Variants in PHEX observed in about 807,000 individuals in gnomAD.
The protein encoded by PHEX is phosphate regulating endopeptidase X-linked.
Under a neutral mutation model 68.0 loss-of-function variants are expected in PHEX, and 16 were observed. The ratio of observed to expected loss-of-function variants is 0.24; its 90% CI spans 0.16 to 0.36. The LOEUF (loss-of-function observed/expected upper bound fraction) is 0.36. Ranked by LOEUF, PHEX falls within the 10% of genes least tolerant of loss-of-function variation. The probability of loss-of-function intolerance (pLI) is 1.00; values close to 1 mark genes in which losing one functional copy is unlikely to be tolerated. For synonymous variants in PHEX, 208 were observed against 205.1 expected (o/e 1.01, Z -0.12); for missense variants, 480 against 575.5 (o/e 0.83, Z 1.70).
intron 2 of PHEX, among the ~76,000 whole-genome samples, chrX:22,040,053 G>T (rs917240611): frequency 7.2e-5 from 8 of 111,634 alleles, no homozygotes; most frequent in African/African-American, 2.6e-4. Flanking sequence ...GAAACCTGGG[G>T]GTCCCACACA....
intron 12 of PHEX, among the ~76,000 whole-genome samples, chrX:22,144,096 C>T (rs944092963): frequency 1.9e-4 from 21 of 111,575 alleles, no homozygotes; most frequent in African/African-American, 6.2e-4. Context: ...GTCTCAGTTT[C>T]CTCACTCATG....
chrX:22,212,075 G>A (rs959166432), intron 15 of PHEX, among the ~76,000 whole-genome samples: 4 of 111,589 alleles, frequency 3.6e-5, no homozygotes, highest in Non-Finnish European at 7.5e-5. Context: ...TTCTGTCATC[G>A]TTTTCAGTGT....
intron 11 of PHEX, among the ~76,000 whole-genome samples, chrX:22,123,833 CT>C (rs755194382): frequency 1.5e-3 from 124 of 82,972 alleles, no homozygotes; most frequent in Middle Eastern, 5.3e-3. Flanking sequence ...ATTTCTTTTT[CT>C]TTTTTTTTTT....
Position 22,249,453 on chromosome X carries a change from A to ATATATAT in PHEX, c.*1500_*1501insTATATAT, listed in dbSNP as rs1222771440. The ATATATAT allele has an allele frequency of 1.1e-3, 32 of 28,023 alleles. No homozygotes were observed. The highest frequency in any genetic ancestry group is 4.8e-3 in the African/African-American group (23 of 4,817). The allele number at this position is 28,023 out of a possible 1,213,427, so 2.3% of individuals were successfully genotyped here. A position where few individuals can be genotyped will look rare whatever the true frequency, so the allele number is the denominator to read the frequency against. On this transcript the variant is annotated 3_prime_UTR_variant, in exon 22 of 22. Coordinates refer to ENST00000379374, the MANE Select transcript of PHEX (RefSeq NM_000444.6). Reference sequence around the variant, plus strand: ...ATTTGTGATTCTTTTAAAAAAAAAAAAAATATATATATATATATATATATA... The same window carrying ATATATAT: ...ATTTGTGATTCTTTTAAAAAAAAAAATATATATAAATATATATATATATATATATATA...
intron 3 of PHEX, among the ~76,000 whole-genome samples, chrX:22,050,502 C>T (rs1181161237): frequency 4.1e-5 from 4 of 98,669 alleles, no homozygotes; most frequent in Non-Finnish European, 8.0e-5. Context: ...ACCCAGGAGG[C>T]GGAGGTTGCA....
intron 2 of PHEX, 88 bp from the exon 3 acceptor site, chrX:22,046,962 T>G (rs1927563392): frequency 5.1e-6 from 4 of 787,472 alleles, no homozygotes; most frequent in Non-Finnish European, 7.8e-6. Flanking sequence ...TGGAAACTGG[T>G]TGATATGGAA....
Position 22,077,576 on chromosome X carries a change from T to C in PHEX, c.537T>C (p.Val179=). 1 of 1,211,229 alleles carries C rather than the reference T, an allele frequency of 8.3e-7. No individual in the cohort carries two copies. The highest frequency in any genetic ancestry group is 1.1e-6 in the Non-Finnish European group (1 of 894,944). ...VLESNIGPEG[V]WSERKFSLLQ... ...AATCTAATATTGGCCCTGAAGGGGT[T>C]TGGTCAGAGAGAAAGTTCAGCCTTC... The change falls in exon 5 of 22, where the codon GTT becomes GTC. Residue 179 remains valine, a synonymous_variant. Transcript: ENST00000379374.
rs976999254 is a variant in PHEX at position 22,130,337 on chromosome X, C to G, written c.1303-3186C>G. ...GGTGGATCACCTGAGCTCGGAGGTT[C>G]GAGACTAGCCTGGGCAATATGGTGA... On this transcript the variant is annotated intron_variant, in intron 11 of 21. Transcript: ENST00000379374. Among the ~76,000 whole-genome samples, 3 of 110,303 alleles carry G rather than the reference C, an allele frequency of 2.7e-5. No homozygotes were observed. In the Admixed American group the frequency reaches 2.9e-4, roughly 11 times the overall value.
chrX:22,097,164 AAC>A, intron 8 of PHEX, 126 bp downstream of exon 8: 1 of 547,399 alleles, frequency 1.8e-6, no homozygotes, highest in Admixed American at 2.6e-5. Flanking sequence ...CATCTTTGTC[AAC>A]AATCACATAA....
chrX:22,237,403 A>G (rs181559598), intron 20 of PHEX, among the ~76,000 whole-genome samples: 2 of 111,423 alleles, frequency 1.8e-5, no homozygotes, highest in East Asian at 2.8e-4. Flanking sequence ...CCTGCTTTCT[A>G]TGTCCCTGTA....
At chrX:22,168,169 A>G (rs995035448) in intron 12 of PHEX, 143 bp from the exon 13 acceptor site, 1 of 503,480 alleles carries the variant, frequency 2.0e-6, no homozygotes, top group African/African-American at 2.4e-5. Flanking sequence ...ATATCTATAT[A>G]TTTTTGCCCT....
chrX:22,136,496 G>C (rs1932236893), intron 12 of PHEX, among the ~76,000 whole-genome samples: 1 of 112,140 alleles, frequency 8.9e-6, no homozygotes, highest in Non-Finnish European at 1.9e-5. Context: ...CTGGGCCAAT[G>C]CTGAGTCACT....
At chrX:22,184,666 T>C (rs1933975483) in intron 14 of PHEX, among the ~76,000 whole-genome samples, 2 of 111,607 alleles carry the variant, frequency 1.8e-5, no homozygotes, top group Admixed American at 1.9e-4. Flanking sequence ...AATAGAGGAT[T>C]TACTTACTGC....
rs1057523486 is a variant in PHEX at position 22,076,493 on chromosome X, T to G, written c.436+19T>G. ...AATGAGAGTGAGTGATGAAGAAAAC[T>G]AAATAAAATATTTACCATCCCTATC... is the stretch of plus-strand genomic sequence containing the variant. On this transcript the variant is annotated intron_variant, in intron 4 of 21. Coordinates refer to ENST00000379374, the MANE Select transcript of PHEX (RefSeq NM_000444.6). 9.8e-7 allele frequency: 1 copy of G among 1,023,748 alleles called. No individual in the cohort carries two copies. Among genetic ancestry groups the G allele is most frequent in the South Asian group, 1.9e-5 (1 of 52,616 alleles). The allele number at this position is 1,023,748 out of a possible 1,213,427, so 84.4% of individuals were successfully genotyped here.
At chrX:22,234,941 G>A (rs1386432309) in intron 20 of PHEX, among the ~76,000 whole-genome samples, 1 of 112,108 alleles carries the variant, frequency 8.9e-6, no homozygotes, top group Non-Finnish European at 1.9e-5. Context: ...GAAACCCAGA[G>A]CCCTGGTGGG....
At chrX:22,231,752 TTG>T (rs1313462143) in intron 20 of PHEX, among the ~76,000 whole-genome samples, 1 of 111,767 alleles carries the variant, frequency 8.9e-6, no homozygotes, top group Non-Finnish European at 1.9e-5. Flanking sequence ...GAAGGGTTTT[TTG>T]TGTCTCTATC....
At chrX:22,066,018 A>G (rs994150415) in intron 3 of PHEX, among the ~76,000 whole-genome samples, 60 of 112,287 alleles carry the variant, frequency 5.3e-4, no homozygotes, top group African/African-American at 1.9e-3. Context: ...GAGGAAACCC[A>G]AGAAGCCCAG....
Position 22,096,972 on chromosome X carries a change from A to G in PHEX, c.867A>G (p.Glu289=), listed in dbSNP as rs139771307. The change falls in exon 8 of 22, where the codon GAA becomes GAG. Residue 289 remains glutamate (E), a synonymous_variant. Transcript: ENST00000379374. ...IKIAEIMIPH[E]NRTSEAMYNK... ...TTCAACAGATAATGATTCCACATGA[A>G]AACCGAACCAGCGAGGCCATGTACA... 4.2e-6 allele frequency: 5 copies of G among 1,200,717 alleles called. No individual in the cohort carries two copies. In the African/African-American group the frequency reaches 7.0e-5, roughly 17 times the overall value.
At chrX:22,055,221 C>G (rs1181275914) in intron 3 of PHEX, among the ~76,000 whole-genome samples, 1 of 46,012 alleles carries the variant, frequency 2.2e-5, no homozygotes. Flanking sequence ...AAAAACAGAC[C>G]TAGTGCTAGA....
Sources: gnomAD v4.1 joint callset for allele counts (sites outside exome capture counted in the v4.1 genomes callset) on GRCh38, gnomAD v4.1.1 for gene constraint, MANE v1.5 for transcripts, NCBI Gene and HGNC (gene_info 2026-07-23, HGNC 2026-07-21) for gene names.